The following CEP128 variants were observed in gnomAD, a reference collection of about 807,000 sequenced individuals.
CEP128 encodes centrosomal protein 128.
CEP128 carries 132 observed loss-of-function variants against 156.7 expected under a neutral mutation model. The ratio of observed to expected loss-of-function variants is 0.84; its 90% confidence interval spans 0.73 to 0.97. The LOEUF (loss-of-function observed/expected upper bound fraction) is 0.97, where lower values mean the gene tolerates loss of function less well. Ranked by LOEUF, CEP128 falls within the 50% of genes least tolerant of loss-of-function variation. CEP128 has a pLI of 0.00. For synonymous variants in CEP128, 469 were observed against 448.9 expected (o/e 1.04, Z -0.57); for missense variants, 1,252 against 1,281.9 (o/e 0.98, Z 0.36).
chr14:80,952,660 G>A (rs1886491313), intron 2 of CEP128, among the ~76,000 whole-genome samples: 1 of 151,424 alleles, frequency 6.6e-6, no homozygotes, highest in Non-Finnish European at 1.5e-5. Flanking sequence ...AAAGATCAGA[G>A]CATATATCAA....
chr14:80,732,714 T>C (rs1002807665), intron 19 of CEP128, among the ~76,000 whole-genome samples: 1 of 152,084 alleles, frequency 6.6e-6, no homozygotes, highest in Non-Finnish European at 1.5e-5. Flanking sequence ...CAGAAACAAA[T>C]AGCTGGAGCC....
intron 19 of CEP128, among the ~76,000 whole-genome samples, chr14:80,637,535 C>T (rs10131089): frequency 0.054 from 8,222 of 152,228 alleles, 708 homozygotes; most frequent in African/African-American, 0.19. Flanking sequence ...ATTGCAGACA[C>T]TCAGTAAATA....
At chr14:80,543,829 C>T (rs1594975901) in intron 21 of CEP128, among the ~76,000 whole-genome samples, 1 of 152,124 alleles carries the variant, frequency 6.6e-6, no homozygotes, top group African/African-American at 2.4e-5. Context: ...TGAACTCAGG[C>T]CCCCTCCCCT....
intron 22 of CEP128, among the ~76,000 whole-genome samples, chr14:80,529,435 G>T (rs1889126442): frequency 6.6e-6 from 1 of 152,118 alleles, no homozygotes; most frequent in Non-Finnish European, 1.5e-5. Flanking sequence ...GAGCCTTTTG[G>T]TAATAGTAGA....
intron 8 of CEP128, among the ~76,000 whole-genome samples, chr14:80,868,216 T>C (rs867559376): frequency 2.2e-4 from 33 of 152,204 alleles, no homozygotes; most frequent in African/African-American, 7.7e-4. Flanking sequence ...TGTAAAAGTA[T>C]GAATATACTC....
intron 14 of CEP128, among the ~76,000 whole-genome samples, chr14:80,788,288 CTT>C (rs10628361): frequency 4.1e-5 from 4 of 97,250 alleles, no homozygotes; most frequent in East Asian, 7.3e-4. Flanking sequence ...TGGCCAGGAT[CTT>C]TTTTTTTTTT....
At chr14:80,772,358 G>A (rs539023358) in intron 16 of CEP128, among the ~76,000 whole-genome samples, 18 of 152,196 alleles carry the variant, frequency 1.2e-4, no homozygotes, top group South Asian at 4.2e-4. Flanking sequence ...CACTGGGGAC[G>A]GTTGGAGAGG....
At chr14:80,516,551 CAA>C (rs1419890754) in intron 23 of CEP128, among the ~76,000 whole-genome samples, 7 of 152,272 alleles carry the variant, frequency 4.6e-5, no homozygotes, top group Admixed American at 4.6e-4. Flanking sequence ...AACTGCCTCT[CAA>C]GTTTATTGAG....
At chr14:80,557,526 T>C (rs928791413) in intron 21 of CEP128, among the ~76,000 whole-genome samples, 2 of 152,212 alleles carry the variant, frequency 1.3e-5, no homozygotes, top group Non-Finnish European at 1.5e-5. Flanking sequence ...AAGCATTTAA[T>C]TCACAGGCCA....
intron 20 of CEP128, among the ~76,000 whole-genome samples, chr14:80,574,294 T>C (rs1325150933): frequency 6.6e-6 from 1 of 152,186 alleles, no homozygotes; most frequent in Non-Finnish European, 1.5e-5. Context: ...TCTAAAGCAA[T>C]TCCGAGGGAA....
At chr14:80,575,176 C>T (rs1418925893) in intron 20 of CEP128, among the ~76,000 whole-genome samples, 5 of 150,136 alleles carry the variant, frequency 3.3e-5, no homozygotes, top group African/African-American at 9.8e-5. Context: ...TGTATATATA[C>T]AAAATCTGTA....
At chr14:80,847,469 ATAAT>A (rs758059614) in intron 9 of CEP128, among the ~76,000 whole-genome samples, 209 of 152,308 alleles carry the variant, frequency 1.4e-3, no homozygotes, top group Non-Finnish European at 2.3e-3. Flanking sequence ...AAAGAAGAAA[ATAAT>A]TAGTATGGTG....
upstream of CEP128, among the ~76,000 whole-genome samples, chr14:80,943,993 CAAA>C (rs36074282): frequency 3.0e-5 from 3 of 101,172 alleles, no homozygotes; most frequent in Non-Finnish European, 4.1e-5. Flanking sequence ...GACTCCATCT[CAAA>C]AAAAAAAAAA....
chr14:80,679,773 C>G (rs1595203342), intron 19 of CEP128, among the ~76,000 whole-genome samples: 1 of 119,208 alleles, frequency 8.4e-6, no homozygotes, highest in African/African-American at 2.8e-5. Flanking sequence ...GAACTACTCC[C>G]TGTTTACACC....
intron 19 of CEP128, among the ~76,000 whole-genome samples, chr14:80,742,027 CA>C (rs1167624222): frequency 6.6e-6 from 1 of 152,086 alleles, no homozygotes; most frequent in Non-Finnish European, 1.5e-5. Context: ...CTCTTTTTAC[CA>C]AGAGCATGTT....
At chr14:80,645,204 A>T (rs1290520849) in intron 19 of CEP128, among the ~76,000 whole-genome samples, 9 of 152,198 alleles carry the variant, frequency 5.9e-5, no homozygotes, top group Non-Finnish European at 1.0e-4. Flanking sequence ...AAGAAATAGA[A>T]ATATACTAAG....
chr14:80,857,091 T>C (rs1336383149), intron 9 of CEP128, among the ~76,000 whole-genome samples: 3 of 152,018 alleles, frequency 2.0e-5, no homozygotes, highest in Non-Finnish European at 4.4e-5. Context: ...GAAGAAATAA[T>C]ATTCAATGTA....
At chr14:80,625,892 T>TGTACAGAAGAAATTTTTACC (rs1334108912) in intron 19 of CEP128, among the ~76,000 whole-genome samples, 1 of 152,036 alleles carries the variant, frequency 6.6e-6, no homozygotes, top group Non-Finnish European at 1.5e-5. Context: ...TTGTTACTCT[T>TGTACAGAAGAAATTTTTACC]GTACAGAAGA....
chr14:80,487,102 C>T (rs574518913), downstream of CEP128, among the ~76,000 whole-genome samples: 1 of 152,132 alleles, frequency 6.6e-6, no homozygotes, highest in South Asian at 2.1e-4. Flanking sequence ...AGAGTCAAAA[C>T]CCATCAGTGT....
Sources: gnomAD v4.1 joint callset for allele counts (sites outside exome capture counted in the v4.1 genomes callset) on GRCh38, gnomAD v4.1.1 for gene constraint, MANE v1.5 for transcripts, NCBI Gene and HGNC (gene_info 2026-07-23, HGNC 2026-07-21) for gene names.